FOXN3: variants seen among roughly 807,000 people sequenced by gnomAD.
FOXN3 encodes the protein forkhead box N3, also known as forkhead box protein N3.
A neutral mutation model predicts 38.4 loss-of-function variants in FOXN3; 7 were observed. That is an observed-to-expected ratio of 0.18 (90% CI 0.10 to 0.34). The LOEUF (loss-of-function observed/expected upper bound fraction) is 0.34, where lower values mean the gene tolerates loss of function less well. Among genes scored for constraint, FOXN3 ranks in the 10% least tolerant of loss-of-function variants. FOXN3 has a pLI of 1.00. For missense variants in FOXN3, 456 were observed against 613.4 expected (o/e 0.74, Z 2.71); for synonymous variants, 230 against 242.2 (o/e 0.95, Z 0.47).
chr14:89,280,917 G>A (rs1283349990), intron 4 of FOXN3, 33 bp downstream of exon 4: 1 of 1,581,368 alleles, frequency 6.3e-7, no homozygotes, highest in East Asian at 2.2e-5. Context: ...GGGTGAGGGG[G>A]AGGGAGAGGA....
exon 1 of FOXN3, chr14:89,619,043 C>A (rs973156601): frequency 4.6e-5 from 7 of 152,446 alleles, no homozygotes; most frequent in African/African-American, 9.6e-5. Flanking sequence ...ATCGCCTGCC[C>A]CCCCGCTGCT....
At chr14:89,389,757 T>C (rs1366720690) in intron 2 of FOXN3, among the ~76,000 whole-genome samples, 1 of 152,152 alleles carries the variant, frequency 6.6e-6, no homozygotes, top group African/African-American at 2.4e-5. Context: ...GGCATCAATA[T>C]ACGATCTTAG....
At chr14:89,546,474 C>T (rs1353828739) in intron 1 of FOXN3, among the ~76,000 whole-genome samples, 4 of 149,888 alleles carry the variant, frequency 2.7e-5, no homozygotes, top group Non-Finnish European at 5.9e-5. Context: ...GGACTACAGG[C>T]GCCTGCCACC....
intron 1 of FOXN3, among the ~76,000 whole-genome samples, chr14:89,415,138 A>G (rs535994960): frequency 4.7e-4 from 72 of 152,288 alleles, no homozygotes; most frequent in Non-Finnish European, 9.0e-4. Context: ...GATGACCAGC[A>G]TATGCCCACA....
intron 1 of FOXN3, among the ~76,000 whole-genome samples, chr14:89,542,421 C>T (rs997376746): frequency 1.1e-4 from 17 of 152,206 alleles, no homozygotes; most frequent in Non-Finnish European, 2.4e-4. Context: ...GCCTCATTTT[C>T]CTAGCCCTTG....
intron 3 of FOXN3, among the ~76,000 whole-genome samples, chr14:89,283,458 T>C (rs372594474): frequency 3.3e-5 from 5 of 152,204 alleles, no homozygotes; most frequent in East Asian, 3.9e-4. Context: ...CCCTGGATGA[T>C]TGGCCTTTAA....
intron 3 of FOXN3, among the ~76,000 whole-genome samples, chr14:89,331,283 CAT>C (rs1462294082): frequency 6.6e-6 from 1 of 152,198 alleles, no homozygotes; most frequent in African/African-American, 2.4e-5. Context: ...AGGAAAACTT[CAT>C]ATAAGTGGAA....
chr14:89,387,094 T>C (rs1890810322), intron 2 of FOXN3, among the ~76,000 whole-genome samples: 1 of 152,118 alleles, frequency 6.6e-6, no homozygotes, highest in Admixed American at 6.5e-5. Flanking sequence ...CCATCTCTAC[T>C]AAAAATACAA....
At chr14:89,192,028 AACAT>A (rs966735234) in intron 4 of FOXN3, among the ~76,000 whole-genome samples, 35 of 146,648 alleles carry the variant, frequency 2.4e-4, no homozygotes, top group African/African-American at 8.7e-4. Flanking sequence ...ATCATCAACT[AACAT>A]ATATAAACTA....
At chr14:89,325,112 C>G (rs1228467733) in intron 3 of FOXN3, among the ~76,000 whole-genome samples, 1 of 152,184 alleles carries the variant, frequency 6.6e-6, no homozygotes, top group Non-Finnish European at 1.5e-5. Flanking sequence ...AGTGACTACA[C>G]AGCGGACAGC....
intron 1 of FOXN3, among the ~76,000 whole-genome samples, chr14:89,549,392 G>A (rs1180320923): frequency 6.6e-6 from 1 of 151,958 alleles, no homozygotes; most frequent in Non-Finnish European, 1.5e-5. Context: ...TGGTCTATTT[G>A]AGAAAAGAAA....
chr14:89,241,898 C>T (rs902804205), intron 4 of FOXN3, among the ~76,000 whole-genome samples: 2 of 152,172 alleles, frequency 1.3e-5, no homozygotes, highest in African/African-American at 4.8e-5. Flanking sequence ...GGAGCTCTGC[C>T]TCTCCCCACC....
At chr14:89,543,564 C>T (rs1438890634) in intron 1 of FOXN3, among the ~76,000 whole-genome samples, 2 of 152,184 alleles carry the variant, frequency 1.3e-5, no homozygotes, top group Non-Finnish European at 2.9e-5. Flanking sequence ...AAAAGGGAGC[C>T]AGTGGCAGAA....
intron 2 of FOXN3, among the ~76,000 whole-genome samples, chr14:89,360,093 T>C (rs1005068057): frequency 6.6e-6 from 1 of 152,218 alleles, no homozygotes; most frequent in Non-Finnish European, 1.5e-5. Context: ...CCTAGGTTTA[T>C]TTCACTATGA....
chr14:89,500,909 C>T (rs1003328314), intron 1 of FOXN3, among the ~76,000 whole-genome samples: 2 of 152,204 alleles, frequency 1.3e-5, no homozygotes, highest in African/African-American at 4.8e-5. Flanking sequence ...TGAATGGAAA[C>T]GTCTCCTTTT....
chr14:89,202,364 A>G (rs1393730568), intron 4 of FOXN3, among the ~76,000 whole-genome samples: 1 of 152,238 alleles, frequency 6.6e-6, no homozygotes, highest in Non-Finnish European at 1.5e-5. Context: ...ACCATATTGA[A>G]TCACACACCC....
chr14:89,590,208 T>C (rs1020672100), intron 1 of FOXN3, among the ~76,000 whole-genome samples: 5 of 152,058 alleles, frequency 3.3e-5, no homozygotes, highest in African/African-American at 1.2e-4. Flanking sequence ...GGCAAACCAA[T>C]CAATGAATGA....
Position 89,162,449 on chromosome 14 carries a change from C to A in FOXN3, c.1372G>T (p.Gly458Trp). 1 of 1,588,354 alleles carries A rather than the reference C, an allele frequency of 6.3e-7. No homozygotes were observed. Among genetic ancestry groups the A allele is most frequent in the South Asian group, 1.1e-5 (1 of 88,098 alleles). The change falls in exon 6 of 6, where the codon GGG becomes TGG. Residue 458 changes from glycine (G) to tryptophan (W), a missense_variant. Transcript: ENST00000557258. This position sits in a 1 kb window ranked among gnomAD's most constrained non-coding sequence, Gnocchi z 7.2. ...LNNITNRTAK[G>W]QKEQKETTKN ...GTGGTTTCCTTTTGCTCTTTCTGCCCCTTTGCCGTCCGATTGGTGATGTTA... is the reference window on the plus strand; with the variant it reads ...GTGGTTTCCTTTTGCTCTTTCTGCCACTTTGCCGTCCGATTGGTGATGTTA...
chr14:89,224,730 A>G (rs1884578367), intron 4 of FOXN3, among the ~76,000 whole-genome samples: 1 of 152,246 alleles, frequency 6.6e-6, no homozygotes, highest in African/African-American at 2.4e-5. Context: ...ACATACATCA[A>G]TGAAGGCATC....
Sources: allele counts gnomAD v4.1 joint callset (sites outside exome capture counted in the v4.1 genomes callset), GRCh38; gene constraint gnomAD v4.1.1; non-coding constraint Gnocchi (gnomAD v3.1); transcripts MANE v1.5; gene names NCBI Gene and HGNC (gene_info 2026-07-23, HGNC 2026-07-21).